SLC26A8: variants seen among roughly 807,000 people sequenced by gnomAD.
SLC26A8 encodes solute carrier family 26 member 8.
In SLC26A8, 70 loss-of-function variants were observed where a neutral mutation model predicts 105.0. The ratio of observed to expected loss-of-function variants is 0.67; its 90% CI spans 0.55 to 0.81. The LOEUF is 0.81. Among genes scored for constraint, SLC26A8 ranks in the 40% least tolerant of loss-of-function variants. The pLI is 0.00. For missense variants in SLC26A8, 998 were observed against 1,181.8 expected (o/e 0.84, Z 2.28); for synonymous variants, 415 against 438.3 (o/e 0.95, Z 0.66).
chr6:35,950,518 C>A (rs113886491), intron 19 of SLC26A8, among the ~76,000 whole-genome samples: 3,153 of 151,812 alleles, frequency 0.021, 48 homozygotes, highest in Middle Eastern at 0.048. Flanking sequence ...AACTCCTGAT[C>A]TCATGATCTA....
At chr6:35,968,436 T>TCCCAGTTATACGGTGTATAACTGTATAA (rs750970799) in intron 11 of SLC26A8, among the ~76,000 whole-genome samples, 19 of 151,608 alleles carry the variant, frequency 1.3e-4, no homozygotes, top group South Asian at 1.0e-3. Context: ...GTGCCCTGTA[T>TCCCAGTTATACGGTGTATAACTGTATAA]CCCAGTTATA....
rs752213414 is a variant in SLC26A8 at position 36,012,246 on chromosome 6, C to T, written c.315G>A (p.Val105=). The T allele has an allele frequency of 1.9e-6, 3 of 1,612,288 alleles. No individual in the cohort carries two copies. Among genetic ancestry groups the T allele is most frequent in the South Asian group, 2.2e-5 (2 of 90,706 alleles). ...TATCTTCCTTACCTTGGGGAACTTG[C>T]ACAAGGCCAACACTTATACCAGCAA... ...DLLAGISVGL[V]QVPQGLTLSL... The change falls in exon 3 of 20, where the codon GTG becomes GTA. Residue 105 remains valine (V), a synonymous_variant. Coordinates refer to ENST00000490799, the MANE Select transcript of SLC26A8 (RefSeq NM_052961.4).
At chr6:35,960,090 G>T in intron 14 of SLC26A8, 1 of 273,528 alleles carries the variant, frequency 3.7e-6, no homozygotes, top group Admixed American at 5.5e-5. Flanking sequence ...TGTATTTTTA[G>T]TAGATACGGG....
In SLC26A8 at chr6:36,024,556, C is replaced by T; in HGVS notation, c.-55G>A. 1 of 388,418 alleles carries T rather than the reference C, an allele frequency of 2.6e-6. No homozygotes were observed. The highest frequency in any genetic ancestry group is 1.9e-5 in the South Asian group (1 of 53,610). 24.1% of individuals were successfully genotyped at this position (388,418 alleles called of 1,614,324 possible). A position where few individuals can be genotyped will look rare whatever the true frequency, so the allele number is the denominator to read the frequency against. ...GGGCGCTGGGATCCCACACGGCTCT[C>T]GCCTGGCTGGCGGCGCTGCGGACGC... On this transcript the variant is annotated 5_prime_UTR_variant, in exon 1 of 20. Transcript: ENST00000490799.
At position 36,019,726 on chromosome 6, in the gene SLC26A8, A is replaced by C. The variant is rs201245529; in HGVS notation, c.-2-17T>G. The stretch of plus-strand genomic sequence containing the variant: ...GTGCCATTCCTGGATGAGTGGAAAG[A>C]GAGCAAATAAAAGAGCATTTTCAGT... On this transcript the variant is annotated splice_polypyrimidine_tract_variant and intron_variant, in intron 1 of 19. Transcript: ENST00000490799. 2 of 1,587,556 alleles carry C rather than the reference A, an allele frequency of 1.3e-6. No homozygotes were observed. The highest frequency in any genetic ancestry group is 3.6e-5 in the Admixed American group (2 of 55,552).
At chr6:35,958,416 C>T (rs1277917454) in intron 16 of SLC26A8, among the ~76,000 whole-genome samples, 1 of 152,086 alleles carries the variant, frequency 6.6e-6, no homozygotes, top group African/African-American at 2.4e-5. Context: ...TCTAAACATA[C>T]AATTTAAAAG....
chr6:35,980,646 T>C (rs938134729), intron 8 of SLC26A8, among the ~76,000 whole-genome samples: 7 of 152,176 alleles, frequency 4.6e-5, no homozygotes, highest in African/African-American at 1.7e-4. Flanking sequence ...AATTTCAAGT[T>C]GATTCAGCCA....
intron 6 of SLC26A8, 149 bp from the exon 7 acceptor site, chr6:35,991,957 G>T: frequency 1.4e-6 from 1 of 718,412 alleles, no homozygotes; most frequent in Non-Finnish European, 2.0e-6. Context: ...GAACAGTGAG[G>T]GCAAGCATGG....
intron 1 of SLC26A8, among the ~76,000 whole-genome samples, chr6:36,023,161 T>TCA (rs1217320001): frequency 3.4e-5 from 3 of 88,960 alleles, no homozygotes; most frequent in African/African-American, 1.2e-4. Context: ...CATAGTACCC[T>TCA]TATCCATCCA....
chr6:36,022,953 G>C (rs139895687), intron 1 of SLC26A8, among the ~76,000 whole-genome samples: 21 of 149,992 alleles, frequency 1.4e-4, no homozygotes, highest in African/African-American at 5.1e-4. Flanking sequence ...TGTCCAGACT[G>C]CTGGGCCCCC....
At chr6:36,003,804 G>A (rs1761598864) in intron 3 of SLC26A8, among the ~76,000 whole-genome samples, 1 of 151,846 alleles carries the variant, frequency 6.6e-6, no homozygotes, top group Non-Finnish European at 1.5e-5. Flanking sequence ...TGGGATTACA[G>A]GTGCCTGCCA....
At chr6:35,959,431 A>C (rs1188868510) in intron 16 of SLC26A8, 29 bp downstream of exon 16, 1 of 1,578,338 alleles carries the variant, frequency 6.3e-7, no homozygotes, top group South Asian at 1.2e-5. Flanking sequence ...ATATGGAGAA[A>C]AACATAGGAA....
At chr6:36,010,946 T>C (rs779320711) in intron 3 of SLC26A8, among the ~76,000 whole-genome samples, 12 of 152,218 alleles carry the variant, frequency 7.9e-5, no homozygotes, top group Non-Finnish European at 1.6e-4. Context: ...TAAAAAGTTA[T>C]CTGTTTTCCC....
chr6:35,969,030 T>A (rs1329533079), intron 10 of SLC26A8, 76 bp from the exon 11 acceptor site: 4 of 1,293,136 alleles, frequency 3.1e-6, no homozygotes, highest in Non-Finnish European at 4.4e-6. Flanking sequence ...GCCTTCTGCT[T>A]GGTGAGAAGC....
rs1761473056 is a variant in SLC26A8 at position 35,999,992 on chromosome 6, C to CG, written c.444_445insC (p.Gly149ArgfsTer33). On this transcript the variant is annotated frameshift_variant and splice_region_variant, in exon 4 of 20. Transcript: ENST00000490799. LOFTEE classifies it high-confidence loss of function. ...ATGTGTATTTCAGTGCTGAACTCAC[C>CG]AATGGACATTTGATGACACGATCCA... is the stretch of plus-strand genomic sequence containing the variant. 2 of 1,601,428 alleles carry CG rather than the reference C, an allele frequency of 1.2e-6. No individual in the cohort carries two copies. Among genetic ancestry groups the CG allele is most frequent in the African/African-American group, 2.7e-5 (2 of 74,614 alleles).
At chr6:35,972,194 G>C (rs1772822138) in intron 10 of SLC26A8, among the ~76,000 whole-genome samples, 1 of 152,188 alleles carries the variant, frequency 6.6e-6, no homozygotes. Flanking sequence ...GAGAGGTTCA[G>C]AGCCAGCCCC....
rs202135271 is a variant in SLC26A8 at position 35,959,553 on chromosome 6, A to G, written c.1770T>C (p.Ile590=). ...MVKVPLKEEE[I]FSLFNSSDTN... is the part of the protein sequence containing the mutation. ...TGTCACTTGAATTAAACAAGCTGAA[A>G]ATTTCTTCTTCTTTAAGAGGCACCT... The change falls in exon 16 of 20, where the codon ATT becomes ATC. Residue 590 remains isoleucine (I), a synonymous_variant. Coordinates refer to ENST00000490799, the MANE Select transcript of SLC26A8 (RefSeq NM_052961.4). 6.0e-5 allele frequency: 97 copies of G among 1,613,816 alleles called. No individual in the cohort carries two copies. Among genetic ancestry groups the G allele is most frequent in the Non-Finnish European group, 2.0e-5 (24 of 1,179,926 alleles).
intron 2 of SLC26A8, 30 bp downstream of exon 2, chr6:36,019,490 G>A (rs201008439): frequency 5.6e-6 from 9 of 1,600,302 alleles, no homozygotes; most frequent in South Asian, 2.2e-5. Context: ...TGCCCGGCTC[G>A]GCAGCAGGTG....
At chr6:36,008,537 G>A (rs972750024) in intron 3 of SLC26A8, among the ~76,000 whole-genome samples, 4 of 152,036 alleles carry the variant, frequency 2.6e-5, no homozygotes, top group Admixed American at 1.3e-4. Flanking sequence ...TACTAAAAAC[G>A]AGCCTATCAA....
Sources: allele counts gnomAD v4.1 joint callset (sites outside exome capture counted in the v4.1 genomes callset), GRCh38; gene constraint gnomAD v4.1.1; transcripts MANE v1.5; gene names NCBI Gene and HGNC (gene_info 2026-07-23, HGNC 2026-07-21).